Variants in ITGA7 observed in about 807,000 individuals in gnomAD.
ITGA7 encodes the protein integrin alpha-7.
Under a neutral mutation model 131.6 loss-of-function variants are expected in ITGA7, and 84 were observed. The ratio of observed to expected loss-of-function variants is 0.64; its 90% CI spans 0.54 to 0.77. The LOEUF (loss-of-function observed/expected upper bound fraction) is 0.77, where lower values mean the gene tolerates loss of function less well. Ranked by LOEUF, ITGA7 falls within the 30% of genes least tolerant of loss-of-function variation. The probability of loss-of-function intolerance (pLI) is 0.00; values close to 1 mark genes in which losing one functional copy is unlikely to be tolerated. For synonymous variants in ITGA7, 548 were observed against 600.7 expected, an observed-to-expected ratio of 0.91 and a Z score of 1.28; for missense variants, 1,399 against 1,482.9, an observed-to-expected ratio of 0.94 and a Z score of 0.93.
intron 13 of ITGA7, 68 bp downstream of exon 13, chr12:55,696,215 C>T: frequency 6.7e-7 from 1 of 1,497,112 alleles, no homozygotes; most frequent in Non-Finnish European, 9.0e-7. Flanking sequence ...ATTGGTGTCA[C>T]TGGGGAGGGA....
intron 4 of ITGA7, chr12:55,700,668 G>A (rs371400509): frequency 2.7e-4 from 177 of 656,236 alleles, no homozygotes; most frequent in African/African-American, 2.6e-3. Flanking sequence ...CAGGCCCAGC[G>A]TGCACTTGGG....
At chr12:55,716,100 G>A (rs774787679), upstream of ITGA7, 8 of 1,597,534 alleles carry the variant, frequency 5.0e-6, no homozygotes, top group Non-Finnish European at 6.8e-6. Context: ...GAGCCGGAGG[G>A]GGCCCGGCGT....
At position 55,694,801 on chromosome 12, in the gene ITGA7, C is replaced by G; in HGVS notation, c.2173G>C (p.Gly725Arg). The change falls in exon 15 of 25, where the codon GGG becomes CGG. Residue 725 changes from glycine to arginine, a missense_variant. By Grantham distance (125) the Gly-to-Arg change is moderately radical. Coordinates refer to ENST00000257879, the MANE Select transcript of ITGA7 (RefSeq NM_002206.3). This position sits in a 1 kb window ranked among gnomAD's most constrained non-coding sequence, Gnocchi z 5.3. ...ACCGCAGGGTCCAGGGCCCGGACCC[C>G]TGAGTAGTGCAGTGAGTCAGGAAGC... is the stretch of plus-strand genomic sequence containing the variant. ...VMLPDSLHYS[G>R]VRALDPAEKP... 6.2e-7 allele frequency: 1 copy of G among 1,614,070 alleles called. No homozygotes were observed.
chr12:55,714,773 T>C (rs187487729), upstream of ITGA7, among the ~76,000 whole-genome samples: 363 of 151,046 alleles, frequency 2.4e-3, 2 homozygotes, highest in African/African-American at 8.6e-3. Context: ...TACACATATA[T>C]ACGTATACAT....
chr12:55,714,076 T>C (rs534922622), upstream of ITGA7, among the ~76,000 whole-genome samples: 10 of 152,340 alleles, frequency 6.6e-5, no homozygotes, highest in East Asian at 1.9e-3. Context: ...CCAGAACAGC[T>C]TTTAAAATAT....
In ITGA7 at chr12:55,697,526, A is replaced by T. The variant is rs1275770988; in HGVS notation, c.1430T>A (p.Val477Asp). ...TGGAGCAATAGAGACCTCATGGGAG[A>T]CATGGAGGATGGGTCTGGCCCTGGG... ...VLFRARPILH[V>D]SHEVSIAPRS... Residue 477 changes from valine to aspartate, a missense_variant, in exon 10 of 25, where the codon GTC becomes GAC. Transcript: ENST00000257879. 1 of 1,613,894 alleles carries T rather than the reference A, an allele frequency of 6.2e-7. No homozygotes were observed. The highest frequency in any genetic ancestry group is 8.5e-7 in the Non-Finnish European group (1 of 1,180,000).
At chr12:55,705,119 T>C (rs1874902607) in intron 1 of ITGA7, among the ~76,000 whole-genome samples, 1 of 152,044 alleles carries the variant, frequency 6.6e-6, no homozygotes, top group South Asian at 2.1e-4. Context: ...ACATCTCCTC[T>C]GGAGGCCAAA....
At chr12:55,712,205 G>A, upstream of ITGA7, 3 of 1,551,506 alleles carry the variant, frequency 1.9e-6, no homozygotes, top group South Asian at 3.6e-5. Context: ...TCCGGTCTTT[G>A]ACGATCCAAA....
At chr12:55,692,821 C>A in intron 21 of ITGA7, 23 bp downstream of exon 21, 4 of 1,593,000 alleles carry the variant, frequency 2.5e-6, no homozygotes, top group Non-Finnish European at 3.4e-6. Context: ...GCTCTGGCTG[C>A]ACCGAGTCTG....
chr12:55,696,447 G>A lies in ITGA7; in HGVS notation c.1738-15C>T. The A allele has an allele frequency of 6.3e-7, 1 of 1,590,292 alleles. No homozygotes were observed. Among genetic ancestry groups the A allele is most frequent in the Admixed American group, 1.7e-5 (1 of 57,258 alleles). ...TTGACATTTTCCTAGGAAGAGGAAG[G>A]TCTATTCCTCACTGGAACAATCCCC... On this transcript the variant is annotated splice_polypyrimidine_tract_variant and intron_variant, in intron 12 of 24. Transcript: ENST00000257879.
At position 55,688,980 on chromosome 12, in the gene ITGA7, G is replaced by C. The variant is rs1452327373; in HGVS notation, c.2845-23C>G. 5 of 1,591,676 alleles carry C rather than the reference G, an allele frequency of 3.1e-6. 1 individual carries two copies. The African/African-American group carries it at 6.7e-5, about 21-fold the overall frequency. ...GTCCTAGGGATAAGGACAGACAGGG[G>C]TCTAAGCCACTCAGCTCAACCCTGC... On this transcript the variant is annotated intron_variant, in intron 21 of 24. Coordinates refer to ENST00000257879, the MANE Select transcript of ITGA7 (RefSeq NM_002206.3).
At chr12:55,711,901 A>C (rs1876150516), upstream of ITGA7, among the ~76,000 whole-genome samples, 1 of 152,162 alleles carries the variant, frequency 6.6e-6, no homozygotes, top group South Asian at 2.1e-4. Flanking sequence ...CACTTTTTGC[A>C]ACTGTTGTCT....
chr12:55,707,180 G>A (rs1164284419), intron 1 of ITGA7, among the ~76,000 whole-genome samples: 1 of 152,230 alleles, frequency 6.6e-6, no homozygotes, highest in Non-Finnish European at 1.5e-5. Flanking sequence ...AGGCCCTGGG[G>A]CTGGATCAAG....
intron 24 of ITGA7, 37 bp downstream of exon 24, chr12:55,687,934 G>T: frequency 6.2e-7 from 1 of 1,613,590 alleles, no homozygotes; most frequent in Non-Finnish European, 8.5e-7. Context: ...ACCCAACCAG[G>T]AAGTCCACCC....
upstream of ITGA7, among the ~76,000 whole-genome samples, chr12:55,713,621 C>T (rs1876292672): frequency 6.6e-6 from 1 of 152,206 alleles, no homozygotes; most frequent in Admixed American, 6.5e-5. Context: ...ATGTAAAGTG[C>T]TTGACTATGA....
chr12:55,707,632 G>A lies in ITGA7; in HGVS notation c.51C>T (p.Tyr17=), dbSNP rs200269068. ...GTTCGACGAGCAGGGAGCCAAAAAG[G>A]TAGCAAATCCCGGAGGCCCCCCAAG... ...RDPWGASGIC[Y]LFGSLLVELL... is the part of the protein sequence containing the mutation. The change falls in exon 1 of 25, where the codon TAC becomes TAT. Residue 17 remains tyrosine (Y), a synonymous_variant. Transcript: ENST00000257879. The A allele has an allele frequency of 1.3e-4, 207 of 1,607,348 alleles. 2 individuals carry two copies. The East Asian group carries it at 4.1e-3, about 32-fold the overall frequency.
chr12:55,703,061 G>A lies in ITGA7; in HGVS notation c.324C>T (p.Ile108=), dbSNP rs1035948723. The change falls in exon 2 of 25, where the codon ATC becomes ATT. Residue 108 remains isoleucine, a synonymous_variant. Transcript: ENST00000257879. ...LEETDCYRVD[I]DQGADMQKES... ...CATGCAGGGCCACACCTCCCTGGTCGATGTCCACTCTGTAGCAGTCAGTCT... is the reference window on the plus strand; with the variant it reads ...CATGCAGGGCCACACCTCCCTGGTCAATGTCCACTCTGTAGCAGTCAGTCT... The A allele has an allele frequency of 5.6e-6, 9 of 1,613,922 alleles. No individual in the cohort carries two copies. The highest frequency in any genetic ancestry group is 4.5e-5 in the East Asian group (2 of 44,872).
intron 10 of ITGA7, 42 bp from the exon 11 acceptor site, chr12:55,697,319 G>A: frequency 6.3e-7 from 1 of 1,583,390 alleles, no homozygotes. Flanking sequence ...CGAGGCTGAT[G>A]GGCCAAGGCC....
At chr12:55,698,610 T>C (rs1476507375) in intron 6 of ITGA7, 34 bp from the exon 7 acceptor site, 3 of 1,613,682 alleles carry the variant, frequency 1.9e-6, no homozygotes, top group African/African-American at 2.7e-5. Flanking sequence ...GTGTGGGTCC[T>C]CCCTGGCCAG....
Sources: gnomAD v4.1 joint callset for allele counts (sites outside exome capture counted in the v4.1 genomes callset) on GRCh38, gnomAD v4.1.1 for gene constraint, Gnocchi (gnomAD v3.1) non-coding constraint, MANE v1.5 for transcripts, NCBI Gene and HGNC (gene_info 2026-07-23, HGNC 2026-07-21) for gene names.